SORBS2: variants seen among roughly 807,000 people sequenced by gnomAD.
The protein encoded by SORBS2 is sorbin and SH3 domain containing 2, also known as sorbin and SH3 domain-containing protein 2.
Under a neutral mutation model 97.7 loss-of-function variants are expected in SORBS2, and 46 were observed. That is an observed-to-expected ratio of 0.47 (90% CI 0.37 to 0.60). The LOEUF (loss-of-function observed/expected upper bound fraction) is 0.60, where lower values mean the gene tolerates loss of function less well. Among genes scored for constraint, SORBS2 ranks in the 20% least tolerant of loss-of-function variants. The pLI is 0.00. For missense variants in SORBS2, 1,316 were observed against 1,282.3 expected (o/e 1.03, Z -0.40); for synonymous variants, 476 against 473.4 (o/e 1.01, Z -0.07).
At chr4:185,761,443 C>T in intron 2 of SORBS2, 1 of 152,148 alleles carries the variant, frequency 6.6e-6, no homozygotes, top group Non-Finnish European at 1.5e-5. Flanking sequence ...GATATTTTTC[C>T]CAAGGCACAA....
At chr4:185,680,403 G>C (rs2097852375) in intron 2 of SORBS2, among the ~76,000 whole-genome samples, 1 of 152,148 alleles carries the variant, frequency 6.6e-6, no homozygotes, top group Non-Finnish European at 1.5e-5. Context: ...AAAAAATACA[G>C]AGCAATCATC....
intron 5 of SORBS2, among the ~76,000 whole-genome samples, chr4:185,630,197 A>G (rs1387565249): frequency 6.6e-6 from 1 of 152,152 alleles, no homozygotes; most frequent in African/African-American, 2.4e-5. Flanking sequence ...AACACTTTTT[A>G]ATCTATAATT....
At chr4:185,918,723 G>T (rs535824084) in intron 1 of SORBS2, among the ~76,000 whole-genome samples, 1 of 152,250 alleles carries the variant, frequency 6.6e-6, no homozygotes, top group South Asian at 2.1e-4. Context: ...CTTATATCAC[G>T]GTCACAGCAC....
chr4:185,826,816 G>T (rs59205312), intron 1 of SORBS2, among the ~76,000 whole-genome samples: 23,619 of 152,102 alleles, frequency 0.16, 2,240 homozygotes, highest in African/African-American at 0.26. Flanking sequence ...CTAATTATGT[G>T]ACCATGAGCA....
intron 1 of SORBS2, among the ~76,000 whole-genome samples, chr4:185,776,585 G>T (rs188332685): frequency 3.4e-4 from 51 of 152,148 alleles, no homozygotes; most frequent in Non-Finnish European, 7.2e-4. Context: ...TCCATCGGGA[G>T]ATGAAAAGAG....
At chr4:185,602,135 G>A (rs905279636) in intron 12 of SORBS2, among the ~76,000 whole-genome samples, 2 of 151,282 alleles carry the variant, frequency 1.3e-5, no homozygotes, top group African/African-American at 4.9e-5. Context: ...TCACCCTTCC[G>A]AGTAGCTGGG....
intron 1 of SORBS2, among the ~76,000 whole-genome samples, chr4:185,835,199 G>A (rs887977608): frequency 2.0e-5 from 3 of 152,168 alleles, no homozygotes; most frequent in Non-Finnish European, 4.4e-5. Flanking sequence ...CTGTGGAACT[G>A]TGAGCCAATT....
intron 12 of SORBS2, among the ~76,000 whole-genome samples, chr4:185,609,291 T>A (rs559624899): frequency 6.6e-6 from 1 of 152,224 alleles, no homozygotes; most frequent in Non-Finnish European, 1.5e-5. Flanking sequence ...TAGTTAGATT[T>A]GGAAAGTCTG....
intron 1 of SORBS2, among the ~76,000 whole-genome samples, chr4:185,891,957 C>T (rs1456975068): frequency 2.6e-5 from 4 of 152,202 alleles, no homozygotes; most frequent in East Asian, 1.9e-4. Context: ...GCCTCAGCCT[C>T]GTGAACAGCT....
intron 13 of SORBS2, chr4:185,593,182 C>A (rs564268191): frequency 6.6e-6 from 1 of 152,354 alleles, no homozygotes; most frequent in Admixed American, 6.5e-5. Flanking sequence ...GTCTCACTCT[C>A]GACTCACAGT....
At chr4:185,785,300 A>G (rs972754318) in intron 1 of SORBS2, among the ~76,000 whole-genome samples, 19 of 152,136 alleles carry the variant, frequency 1.2e-4, no homozygotes, top group African/African-American at 4.6e-4. Flanking sequence ...ATGGAGGGGA[A>G]GGTAGGTTTG....
intron 5 of SORBS2, among the ~76,000 whole-genome samples, 186 bp from the exon 18 acceptor site, chr4:185,627,205 A>G (rs1180370373): frequency 6.6e-6 from 1 of 152,164 alleles, no homozygotes; most frequent in Non-Finnish European, 1.5e-5. Context: ...TTAAAAAATG[A>G]ATAGACCTTA....
rs1319963857 is a variant in SORBS2 at position 185,611,768 on chromosome 4, G to A, written c.2796+12C>T. ...TCCAATATTACATTAACATGATAGA[G>A]TATGTTCTTACCTTATTTGAGCTCA... On this transcript the variant is annotated intron_variant, in intron 12 of 14. Transcript: ENST00000418609. The A allele has an allele frequency of 6.2e-7, 1 of 1,605,218 alleles. No individual in the cohort carries two copies.
chr4:185,772,612 G>T (rs951870870), intron 2 of SORBS2: 1 of 152,182 alleles, frequency 6.6e-6, no homozygotes, highest in African/African-American at 2.4e-5. Context: ...TGAGGGCCAG[G>T]CTGCTGGAAT....
At chr4:185,919,344 T>G (rs1039051112) in intron 1 of SORBS2, 3 of 152,218 alleles carry the variant, frequency 2.0e-5, no homozygotes, top group African/African-American at 7.2e-5. Flanking sequence ...TTTGCAGTTG[T>G]GGGCGACTGT....
At chr4:185,658,692 C>CT (rs35439018), upstream of SORBS2, among the ~76,000 whole-genome samples, 24,061 of 115,816 alleles carry the variant, frequency 0.21, 2,997 homozygotes, top group East Asian at 0.31. Flanking sequence ...AATAAGTAAG[C>CT]TTTTTTTTTT....
intron 1 of SORBS2, among the ~76,000 whole-genome samples, chr4:185,951,292 G>A (rs1251452748): frequency 6.6e-6 from 1 of 152,112 alleles, no homozygotes; most frequent in African/African-American, 2.4e-5. Flanking sequence ...AATTGTGGAG[G>A]GCGACACAGG....
intron 1 of SORBS2, among the ~76,000 whole-genome samples, chr4:185,908,761 C>T (rs1371418834): frequency 6.6e-6 from 1 of 151,894 alleles, no homozygotes; most frequent in Non-Finnish European, 1.5e-5. Context: ...ATAGGAGACC[C>T]ACAATGATGG....
chr4:185,751,236 T>C (rs896852434), intron 2 of SORBS2, among the ~76,000 whole-genome samples: 1 of 126,828 alleles, frequency 7.9e-6, no homozygotes, highest in Non-Finnish European at 1.6e-5. Context: ...AGGATTGAGG[T>C]AAAGGACAGG....
Sources: allele counts gnomAD v4.1 joint callset (sites outside exome capture counted in the v4.1 genomes callset), GRCh38; gene constraint gnomAD v4.1.1; transcripts MANE v1.5; gene names NCBI Gene and HGNC (gene_info 2026-07-23, HGNC 2026-07-21).